CUX2: variants seen among roughly 807,000 people sequenced by gnomAD.
CUX2 encodes the protein cut like homeobox 2.
Under a neutral mutation model 144.8 loss-of-function variants are expected in CUX2, and 40 were observed. That is an observed-to-expected ratio of 0.28 (90% CI 0.21 to 0.36). The LOEUF (loss-of-function observed/expected upper bound fraction) is 0.36. CUX2 is among the 10% of genes least tolerant of loss of function. The pLI is 1.00. For missense variants in CUX2, 1,615 were observed against 1,994.0 expected, an observed-to-expected ratio of 0.81 and a Z score of 3.62; for synonymous variants, 827 against 875.6, an observed-to-expected ratio of 0.94 and a Z score of 0.98.
At chr12:111,205,498 C>T (rs1172822724) in intron 1 of CUX2, among the ~76,000 whole-genome samples, 2 of 152,194 alleles carry the variant, frequency 1.3e-5, no homozygotes, top group Non-Finnish European at 2.9e-5. Context: ...CCACTGTGCA[C>T]CAGGCGTTGA....
chr12:111,316,693 G>C (rs1430570218), intron 16 of CUX2, among the ~76,000 whole-genome samples: 2 of 151,872 alleles, frequency 1.3e-5, no homozygotes, highest in African/African-American at 4.8e-5. Context: ...CAAGTGATCG[G>C]CCTGCCTCAG....
intron 1 of CUX2, among the ~76,000 whole-genome samples, chr12:111,150,409 C>T (rs1030732239): frequency 2.6e-5 from 4 of 152,214 alleles, no homozygotes; most frequent in African/African-American, 9.7e-5. Context: ...TTGCCAAAGC[C>T]ACGCAAAGAA....
In CUX2 at chr12:111,338,574, C is replaced by T; in HGVS notation, c.3385+100C>T. ...ACATAAACCCAGGGCTCCCATGGTC[C>T]AGTCTCAGCCTACTATGGGACTGCA... is the stretch of plus-strand genomic sequence containing the variant. On this transcript the variant is annotated intron_variant, in intron 20 of 21. Coordinates refer to ENST00000261726, the MANE Select transcript of CUX2 (RefSeq NM_015267.4). 2.7e-6 allele frequency: 3 copies of T among 1,120,126 alleles called. No individual in the cohort carries two copies. The South Asian group carries it at 4.8e-5, about 18-fold the overall frequency. 69.4% of individuals were successfully genotyped at this position (1,120,126 alleles called of 1,614,324 possible). A position where few individuals can be genotyped will look rare whatever the true frequency, so the allele number is the denominator to read the frequency against.
chr12:111,316,539 T>C lies in CUX2; in HGVS notation c.2003-3473T>C, dbSNP rs186912911. The stretch of plus-strand genomic sequence containing the variant: ...ATCTCGGCTCACTGCAACCTCCACT[T>C]CCCAGGTTCAAGCAATTCTCCTGCC... On this transcript the variant is annotated intron_variant, in intron 16 of 21. Transcript: ENST00000261726. Among the ~76,000 whole-genome samples the C allele has an allele frequency of 2.7e-3, 388 of 143,048 alleles. 2 individuals carry two copies. Among genetic ancestry groups the C allele is most frequent in the African/African-American group, 8.6e-3 (326 of 37,932 alleles). The allele number at this position is 143,048 out of a possible 152,430, so 93.8% of individuals were successfully genotyped here.
intron 1 of CUX2, among the ~76,000 whole-genome samples, chr12:111,046,563 G>A (rs1870003056): frequency 6.6e-6 from 1 of 152,206 alleles, no homozygotes; most frequent in Admixed American, 6.5e-5. Context: ...AATGGCCAAA[G>A]CTGCCCCTCC....
At chr12:111,337,365 A>G (rs200538495) in intron 19 of CUX2, among the ~76,000 whole-genome samples, 1 of 151,456 alleles carries the variant, frequency 6.6e-6, no homozygotes, top group South Asian at 2.1e-4. Flanking sequence ...AAAAAAAAAA[A>G]AAAGAAAAGA....
At chr12:111,047,162 G>A (rs911197823) in intron 1 of CUX2, among the ~76,000 whole-genome samples, 3 of 152,212 alleles carry the variant, frequency 2.0e-5, no homozygotes, top group Non-Finnish European at 2.9e-5. Flanking sequence ...CGCGTGGCGC[G>A]CCCTGTCGTC....
rs1275011252 is a variant in CUX2 at position 111,289,534 on chromosome 12, C to T, written c.302-1884C>T. On this transcript the variant is annotated intron_variant, in intron 4 of 21. Coordinates refer to ENST00000261726, the MANE Select transcript of CUX2 (RefSeq NM_015267.4). This position sits in a 1 kb window ranked among gnomAD's most constrained non-coding sequence, Gnocchi z 4.1. ...TCTGAGATGATCCACATTTCTTAGTCCCTGCCCTAGATGGGGACTTGGGGA... is the reference window on the plus strand; with the variant it reads ...TCTGAGATGATCCACATTTCTTAGTTCCTGCCCTAGATGGGGACTTGGGGA... Among the ~76,000 whole-genome samples the T allele has an allele frequency of 6.6e-6, 1 of 152,104 alleles. No homozygotes were observed. Among genetic ancestry groups the T allele is most frequent in the East Asian group, 1.9e-4 (1 of 5,184 alleles).
At chr12:111,162,373 T>C (rs1314697887) in intron 1 of CUX2, among the ~76,000 whole-genome samples, 1 of 152,210 alleles carries the variant, frequency 6.6e-6, no homozygotes, top group Non-Finnish European at 1.5e-5. Flanking sequence ...TGAGATCCTG[T>C]TGCAAGAGAA....
intron 1 of CUX2, among the ~76,000 whole-genome samples, chr12:111,151,585 C>T (rs868041267): frequency 2.6e-5 from 4 of 152,248 alleles, no homozygotes; most frequent in South Asian, 2.1e-4. Flanking sequence ...CTACTGAATG[C>T]GTGGAGGGCA....
At chr12:111,045,428 C>T (rs1869951363) in intron 1 of CUX2, among the ~76,000 whole-genome samples, 1 of 152,178 alleles carries the variant, frequency 6.6e-6, no homozygotes, top group Non-Finnish European at 1.5e-5. Context: ...AGACCAAGTC[C>T]TGCCCTCATA....
intron 1 of CUX2, among the ~76,000 whole-genome samples, chr12:111,139,122 G>T (rs1016917656): frequency 1.3e-5 from 2 of 152,022 alleles, no homozygotes; most frequent in Non-Finnish European, 2.9e-5. Flanking sequence ...AACTCCCTGA[G>T]CCTCAGGGAC....
intron 1 of CUX2, among the ~76,000 whole-genome samples, chr12:111,138,099 C>T (rs1168074333): frequency 6.6e-6 from 1 of 152,228 alleles, no homozygotes; most frequent in Non-Finnish European, 1.5e-5. Context: ...CCCCTTTACC[C>T]CTCCCACAGA....
chr12:111,334,353 C>A, intron 18 of CUX2, 88 bp from the exon 19 acceptor site: 1 of 1,431,998 alleles, frequency 7.0e-7, no homozygotes, highest in Non-Finnish European at 9.4e-7. Flanking sequence ...TGTTTGGCAA[C>A]TCTTGGCTGT....
At position 111,320,574 on chromosome 12, in the gene CUX2, G is replaced by A. The variant is rs573533827; in HGVS notation, c.2565G>A (p.Glu855=). 3 of 1,528,668 alleles carry A rather than the reference G, an allele frequency of 2.0e-6. No individual in the cohort carries two copies. Among genetic ancestry groups the A allele is most frequent in the South Asian group, 1.2e-5 (1 of 82,776 alleles). 94.7% of individuals were successfully genotyped at this position (1,528,668 alleles called of 1,614,324 possible). Residue 855 remains glutamate (E), a synonymous_variant, in exon 17 of 22, where the codon GAG becomes GAA. Transcript: ENST00000261726. The surrounding 1 kb of genome is among the most constrained non-coding windows in gnomAD (Gnocchi z 8.1). ...EPPRTGELKA[E]GATAEAGARL... ...CCAGGACGGGCGAGCTCAAGGCTGA[G>A]GGCGCGACGGCCGAGGCGGGCGCGC...
rs971838470 is a variant in CUX2, at chr12:111,320,288, C to G, written c.2279C>G (p.Pro760Arg). Residue 760 changes from proline (P) to arginine (R), a missense_variant, in exon 17 of 22, where the codon CCG becomes CGG. Coordinates refer to ENST00000261726, the MANE Select transcript of CUX2 (RefSeq NM_015267.4). The surrounding 1 kb of genome is among the most constrained non-coding windows in gnomAD (Gnocchi z 8.1). ...GGGGGCCCCGCGCAGGCGCCGCTCC[C>G]GGTCCTGTCCCCCGCCGCCTTCGTG... ...GSGGPAQAPLPVLSPAAFVQS... is the reference protein window; with the variant it reads ...GSGGPAQAPLRVLSPAAFVQS... The G allele has an allele frequency of 6.3e-7, 1 of 1,596,718 alleles. No homozygotes were observed. The highest frequency in any genetic ancestry group is 2.2e-5 in the East Asian group (1 of 44,736).
chr12:111,072,575 C>G (rs1477066113), intron 1 of CUX2, among the ~76,000 whole-genome samples: 1 of 152,206 alleles, frequency 6.6e-6, no homozygotes, highest in Non-Finnish European at 1.5e-5. Context: ...GTGGATCAGG[C>G]TCTGAGTAAA....
At chr12:111,346,541 C>T (rs1347470727) in intron 21 of CUX2, among the ~76,000 whole-genome samples, 2 of 151,530 alleles carry the variant, frequency 1.3e-5, no homozygotes, top group Non-Finnish European at 2.9e-5. Flanking sequence ...ACATGATAAG[C>T]GCCCATTATT....
chr12:111,311,600 A>ATTT (rs1490811302), intron 15 of CUX2, among the ~76,000 whole-genome samples: 2,065 of 138,430 alleles, frequency 0.015, 50 homozygotes, highest in African/African-American at 0.055. Context: ...CTTTATTATT[A>ATTT]TTATTTTTTT....
Sources: gnomAD v4.1 joint callset for allele counts (sites outside exome capture counted in the v4.1 genomes callset) on GRCh38, gnomAD v4.1.1 for gene constraint, Gnocchi (gnomAD v3.1) non-coding constraint, MANE v1.5 for transcripts, NCBI Gene and HGNC (gene_info 2026-07-23, HGNC 2026-07-21) for gene names.